FGF13: variants seen among roughly 807,000 people sequenced by gnomAD.
FGF13 encodes fibroblast growth factor homologous factor 2.
A neutral mutation model predicts 19.5 loss-of-function variants in FGF13; 2 were observed. That is an observed-to-expected ratio of 0.10 (90% CI 0.04 to 0.32). The LOEUF (loss-of-function observed/expected upper bound fraction) is 0.32. Ranked by LOEUF, FGF13 falls within the 10% of genes least tolerant of loss-of-function variation. The probability of loss-of-function intolerance (pLI) is 1.00; values close to 1 mark genes in which losing one functional copy is unlikely to be tolerated. For missense variants in FGF13, 113 were observed against 192.7 expected (o/e 0.59, Z 2.45); for synonymous variants, 72 against 76.9 (o/e 0.94, Z 0.33).
intron 2 of FGF13, among the ~76,000 whole-genome samples, chrX:138,863,546 TCA>T (rs2091300704): frequency 8.9e-6 from 1 of 112,302 alleles, no homozygotes; most frequent in Admixed American, 9.4e-5. Flanking sequence ...GAACCATGTC[TCA>T]GTCTCTTTTG....
At chrX:139,126,521 G>C (rs1234402818) in intron 1 of FGF13, among the ~76,000 whole-genome samples, 1 of 111,747 alleles carries the variant, frequency 8.9e-6, no homozygotes, top group African/African-American at 3.3e-5. Flanking sequence ...TGAGTACCCA[G>C]AACACAGGGC....
chrX:138,970,418 T>C (rs1384057688), intron 1 of FGF13, among the ~76,000 whole-genome samples: 1 of 111,372 alleles, frequency 9.0e-6, no homozygotes, highest in African/African-American at 3.3e-5. Flanking sequence ...CACTGCCATA[T>C]TGTTCTCCAC....
At chrX:139,154,155 C>T (rs2083958294) in intron 1 of FGF13, among the ~76,000 whole-genome samples, 1 of 111,630 alleles carries the variant, frequency 9.0e-6, no homozygotes, top group South Asian at 3.8e-4. Flanking sequence ...ATGACTACCC[C>T]CTTGTATATG....
intron 1 of FGF13, among the ~76,000 whole-genome samples, chrX:138,947,194 T>A (rs1363450065): frequency 1.8e-5 from 2 of 111,996 alleles, no homozygotes; most frequent in African/African-American, 6.5e-5. Context: ...TATGAGTATA[T>A]GATAAATGGA....
At chrX:138,777,234 G>A (rs1365011641) in intron 3 of FGF13, among the ~76,000 whole-genome samples, 1 of 111,388 alleles carries the variant, frequency 9.0e-6, no homozygotes, top group Non-Finnish European at 1.9e-5. Flanking sequence ...GTAGCCAGGG[G>A]AAGCACTCTC....
chrX:139,142,383 C>G (rs2083852456), intron 1 of FGF13, among the ~76,000 whole-genome samples: 1 of 111,584 alleles, frequency 9.0e-6, no homozygotes, highest in Non-Finnish European at 1.9e-5. Context: ...TCATCACAGA[C>G]AATAAAAATA....
intron 3 of FGF13, among the ~76,000 whole-genome samples, chrX:138,670,626 G>GTA (rs2089601332): frequency 9.0e-6 from 1 of 111,623 alleles, no homozygotes; most frequent in South Asian, 3.7e-4. Context: ...AGATATATGT[G>GTA]TATATATACA....
intron 1 of FGF13, among the ~76,000 whole-genome samples, chrX:138,876,954 C>T (rs184570280): frequency 1.1e-4 from 12 of 112,295 alleles, no homozygotes; most frequent in African/African-American, 9.7e-5. Context: ...AATAAAGTGT[C>T]GGTACTATTT....
chrX:138,784,762 A>G (rs150167915), intron 3 of FGF13, among the ~76,000 whole-genome samples: 253 of 111,684 alleles, frequency 2.3e-3, no homozygotes, highest in Middle Eastern at 4.7e-3. Flanking sequence ...TCCAGACCTT[A>G]TATTTGATAA....
intron 1 of FGF13, among the ~76,000 whole-genome samples, chrX:138,864,913 T>C (rs1188339321): frequency 9.0e-6 from 1 of 111,725 alleles, no homozygotes; most frequent in African/African-American, 3.3e-5. Flanking sequence ...CTTTAGCTCA[T>C]TGCACTCCCT....
chrX:139,106,049 T>C (rs557337244), intron 1 of FGF13, among the ~76,000 whole-genome samples: 2 of 112,213 alleles, frequency 1.8e-5, no homozygotes, highest in Non-Finnish European at 3.8e-5. Flanking sequence ...ATTCCAGAGA[T>C]AGAGTGACAC....
intron 1 of FGF13, among the ~76,000 whole-genome samples, chrX:139,079,293 G>A (rs2083354130): frequency 9.0e-6 from 1 of 111,320 alleles, no homozygotes; most frequent in Admixed American, 9.6e-5. Context: ...CCAGGAGCAG[G>A]TCTCAGACAA....
intron 1 of FGF13, among the ~76,000 whole-genome samples, chrX:139,184,154 C>A (rs1402052182): frequency 8.9e-6 from 1 of 112,256 alleles, no homozygotes; most frequent in Admixed American, 9.4e-5. Context: ...TTCATACCAA[C>A]TTAGTACATG....
chrX:139,160,592 T>C, intron 1 of FGF13, among the ~76,000 whole-genome samples: 1 of 111,776 alleles, frequency 8.9e-6, no homozygotes, highest in Non-Finnish European at 1.9e-5. Context: ...GATAGACTGC[T>C]AGTCAGACTG....
chrX:139,193,682 T>TGA (rs1170423724), intron 1 of FGF13, among the ~76,000 whole-genome samples: 1 of 111,232 alleles, frequency 9.0e-6, no homozygotes, highest in African/African-American at 3.3e-5. Flanking sequence ...GATCAAGGAA[T>TGA]GAGGGAGCAG....
chrX:139,029,857 T>C (rs769142163), intron 1 of FGF13, among the ~76,000 whole-genome samples: 4 of 112,016 alleles, frequency 3.6e-5, no homozygotes, highest in Admixed American at 9.5e-5. Context: ...ATCTCAAATA[T>C]CATTAACCAG....
chrX:138,913,483 C>T lies in FGF13; in HGVS notation c.-112-48833G>A, dbSNP rs140459435. 5.5e-3 allele frequency among the ~76,000 whole-genome samples: 606 copies of T among 109,655 alleles called. 2 individuals carry two copies. The highest frequency in any genetic ancestry group is 9.4e-3 in the Middle Eastern group (2 of 213). ...CCGGCCACATCTACTATTTAGAAGT[C>T]CCAATTGTAGTTGGGTTACTGTTAG... On this transcript the variant is annotated intron_variant, in intron 1 of 2. Coordinates refer to the FGF13 transcript ENST00000421460.
downstream of FGF13, among the ~76,000 whole-genome samples, chrX:138,853,561 C>A (rs2091237228): frequency 9.0e-6 from 1 of 110,619 alleles, no homozygotes; most frequent in Admixed American, 9.7e-5. Context: ...GGATGGCTCT[C>A]TGAATAAAAA....
At chrX:138,756,690 C>G (rs966403223) in intron 3 of FGF13, among the ~76,000 whole-genome samples, 2 of 111,919 alleles carry the variant, frequency 1.8e-5, no homozygotes, top group African/African-American at 6.5e-5. Context: ...CAGACCGCAG[C>G]CTTCAGGAAT....
Sources: allele counts gnomAD v4.1 joint callset (sites outside exome capture counted in the v4.1 genomes callset), GRCh38; gene constraint gnomAD v4.1.1; transcripts MANE v1.5; gene names NCBI Gene and HGNC (gene_info 2026-07-23, HGNC 2026-07-21).